Variants in MFSD12 observed in about 807,000 individuals in gnomAD.
MFSD12 encodes the protein major facilitator superfamily domain-containing protein 12.
Under a neutral mutation model 51.2 loss-of-function variants are expected in MFSD12, and 67 were observed. The ratio of observed to expected loss-of-function variants is 1.31; its 90% CI spans 1.08 to 1.60. The LOEUF (loss-of-function observed/expected upper bound fraction) is 1.60, where lower values mean the gene tolerates loss of function less well. Ranked by LOEUF, MFSD12 falls within the 40% of genes most tolerant of loss-of-function variation. MFSD12 has a pLI of 0.00. For synonymous variants in MFSD12, 441 were observed against 316.7 expected (o/e 1.39, Z -4.17); for missense variants, 921 against 673.0 (o/e 1.37, Z -4.08).
intron 2 of MFSD12, 56 bp downstream of exon 2, chr19:3,550,928 T>C: frequency 2.0e-6 from 3 of 1,478,514 alleles, no homozygotes; most frequent in Non-Finnish European, 2.8e-6. Context: ...TGCCACTGAC[T>C]GATACACCGA....
Position 3,551,287 on chromosome 19 carries a change from G to C in MFSD12, c.299-93C>G, listed in dbSNP as rs113749508. ...TGGAGGGAGGAGAGAGGGAAACTGA[G>C]GCACAGATGGAGACGCCCCCCGCAT... is the stretch of plus-strand genomic sequence containing the variant. On this transcript the variant is annotated intron_variant, in intron 1 of 9. Coordinates refer to ENST00000355415, the MANE Select transcript of MFSD12 (RefSeq NM_174983.5). This position sits in a 1 kb window ranked among gnomAD's most constrained non-coding sequence, Gnocchi z 4.6. 1 of 1,026,360 alleles carries C rather than the reference G, an allele frequency of 9.7e-7. No homozygotes were observed. The allele number at this position is 1,026,360 out of a possible 1,614,324, so 63.6% of individuals were successfully genotyped here. A position where few individuals can be genotyped will look rare whatever the true frequency, so the allele number is the denominator to read the frequency against.
chr19:3,541,757 A>G (rs939949575), downstream of MFSD12: 4 of 985,266 alleles, frequency 4.1e-6, no homozygotes, highest in African/African-American at 1.7e-5. Flanking sequence ...GCAGGTGGGT[A>G]CGGGGCCGAC....
rs1455266873 is a variant in MFSD12 at position 3,557,479 on chromosome 19, G to C, written c.-76C>G. The C allele has an allele frequency of 1.0e-6, 1 of 975,130 alleles. No individual in the cohort carries two copies. The highest frequency in any genetic ancestry group is 1.3e-6 in the Non-Finnish European group (1 of 775,870). The allele number at this position is 975,130 out of a possible 1,614,324, so 60.4% of individuals were successfully genotyped here. A position where few individuals can be genotyped will look rare whatever the true frequency, so the allele number is the denominator to read the frequency against. On this transcript the variant is annotated 5_prime_UTR_variant, in exon 1 of 10. Transcript: ENST00000355415. ...TGGCCAGGCCTTCTTGGGTGCCGTG[G>C]GGGCAGGCGCCGGGGACCCCCACCA...
intron 1 of MFSD12, among the ~76,000 whole-genome samples, chr19:3,556,513 T>C (rs1442827497): frequency 7.1e-6 from 1 of 140,794 alleles, no homozygotes; most frequent in Non-Finnish European, 1.5e-5. Flanking sequence ...CTCAGGCAGA[T>C]AGAGAAGCCC....
At chr19:3,546,466 G>T in intron 6 of MFSD12, 41 bp from the exon 7 acceptor site, 1 of 1,559,018 alleles carries the variant, frequency 6.4e-7, no homozygotes, top group Non-Finnish European at 8.7e-7. Flanking sequence ...ACCACTGGGT[G>T]CCCCCAAGCC....
At chr19:3,546,923 T>A (rs1447456798) in intron 6 of MFSD12, among the ~76,000 whole-genome samples, 1 of 150,068 alleles carries the variant, frequency 6.7e-6, no homozygotes, top group African/African-American at 2.5e-5. Flanking sequence ...AAGCTCCGCC[T>A]CCCGGGTTCA....
chr19:3,544,002 C>G (rs2030708200), downstream of MFSD12: 14 of 1,540,054 alleles, frequency 9.1e-6, no homozygotes, highest in South Asian at 3.6e-5. Context: ...CACACCCACT[C>G]CCCGATAAAG....
chr19:3,544,781 G>A (rs760475731), intron 9 of MFSD12, 28 bp downstream of exon 9: 43 of 1,608,766 alleles, frequency 2.7e-5, no homozygotes, highest in Non-Finnish European at 3.6e-5. Context: ...GTCAGTGTCT[G>A]GGGAGGGAGG....
At chr19:3,553,118 T>C (rs1433546398) in intron 1 of MFSD12, among the ~76,000 whole-genome samples, 2 of 152,092 alleles carry the variant, frequency 1.3e-5, no homozygotes, top group Non-Finnish European at 2.9e-5. Context: ...TGGGAGGGTT[T>C]GCGCAGATTC....
intron 1 of MFSD12, among the ~76,000 whole-genome samples, chr19:3,552,095 C>T (rs2240754): frequency 0.43 from 65,939 of 151,998 alleles, 15,360 homozygotes; most frequent in East Asian, 0.82. Flanking sequence ...GGCTTCCTGC[C>T]GGCTTTCCTC....
downstream of MFSD12, chr19:3,543,491 C>CG (rs1555696516): frequency 3.1e-5 from 47 of 1,516,080 alleles, no homozygotes; most frequent in South Asian, 5.8e-4. Flanking sequence ...CCCCCCCCCC[C>CG]GCCCTGGGCA....
In MFSD12 at chr19:3,551,251, G is replaced by A; in HGVS notation, c.299-57C>T. ...TGTCCCGCACCAGCCAGGGCTCCCA[G>A]GGTGAGGACATGGAGGGAGGAGAGA... On this transcript the variant is annotated intron_variant, in intron 1 of 9. Transcript: ENST00000355415. The surrounding 1 kb of genome is among the most constrained non-coding windows in gnomAD (Gnocchi z 4.6). 27 of 1,397,440 alleles carry A rather than the reference G, an allele frequency of 1.9e-5. No individual in the cohort carries two copies. Among genetic ancestry groups the A allele is most frequent in the Non-Finnish European group, 2.3e-5 (24 of 1,028,298 alleles). 86.6% of individuals were successfully genotyped at this position (1,397,440 alleles called of 1,614,324 possible).
downstream of MFSD12, chr19:3,542,318 T>A (rs558368576): frequency 3.4e-4 from 336 of 985,418 alleles, no homozygotes; most frequent in African/African-American, 5.7e-3. Context: ...GCAGAGTTCC[T>A]GCCATGAGAG....
chr19:3,541,693 G>C, downstream of MFSD12: 1 of 985,364 alleles, frequency 1.0e-6, no homozygotes. Flanking sequence ...TAATAACGGG[G>C]GTGAGTGCAT....
intron 2 of MFSD12, among the ~76,000 whole-genome samples, chr19:3,550,444 T>G (rs986813760): frequency 4.6e-5 from 7 of 151,140 alleles, no homozygotes; most frequent in African/African-American, 1.7e-4. Flanking sequence ...CAGGCTGGAG[T>G]GCAGTGGCGC....
Position 3,547,459 on chromosome 19 carries a change from G to A in MFSD12, c.926C>T (p.Pro309Leu). 6.2e-7 allele frequency: 1 copy of A among 1,612,974 alleles called. No homozygotes were observed. The highest frequency in any genetic ancestry group is 2.2e-5 in the East Asian group (1 of 44,862). The part of the protein sequence containing the change: ...AMYLTYSLHL[P>L]KKFIATIPLV... Reference sequence around the variant, plus strand: ...TCCCCGCCCCAATCTGCTCACCTTGGGCAGGTGGAGCGAGTAGGTGAGGTA... The same window carrying A: ...TCCCCGCCCCAATCTGCTCACCTTGAGCAGGTGGAGCGAGTAGGTGAGGTA... Residue 309 changes from proline (P) to leucine (L), a missense_variant, in exon 5 of 10, where the codon CCC (proline) becomes CTC (leucine). By Grantham distance (98) the Pro-to-Leu change is moderately conservative (BLOSUM62 -3). Coordinates refer to ENST00000355415, the MANE Select transcript of MFSD12 (RefSeq NM_174983.5).
intron 1 of MFSD12, among the ~76,000 whole-genome samples, chr19:3,552,063 A>T (rs2031503943): frequency 6.6e-6 from 1 of 151,346 alleles, no homozygotes; most frequent in African/African-American, 2.4e-5. Context: ...CCTTCGGAGC[A>T]CCCGGGAATT....
intron 4 of MFSD12, chr19:3,538,813 G>T (rs1261848140): frequency 1.1e-5 from 6 of 552,286 alleles, no homozygotes; most frequent in Admixed American, 2.1e-5. Context: ...AGGAGCTGGG[G>T]TGACAGGTGC....
downstream of MFSD12, chr19:3,542,839 T>C (rs574021910): frequency 7.3e-7 from 1 of 1,377,170 alleles, no homozygotes; most frequent in African/African-American, 1.5e-5. Context: ...AGACCACTTC[T>C]TCCTGGTGCA....
Sources: allele counts gnomAD v4.1 joint callset (sites outside exome capture counted in the v4.1 genomes callset), GRCh38; gene constraint gnomAD v4.1.1; non-coding constraint Gnocchi (gnomAD v3.1); transcripts MANE v1.5; gene names NCBI Gene and HGNC (gene_info 2026-07-23, HGNC 2026-07-21).